Variants in USH2A observed in about 807,000 individuals in gnomAD.
USH2A encodes the protein usherin, also known as Usher syndrome 2A (autosomal recessive, mild).
Under a neutral mutation model 538.9 loss-of-function variants are expected in USH2A, and 443 were observed. The observed-to-expected ratio is 0.82, with a 90% confidence interval of 0.76 to 0.89. USH2A has a LOEUF of 0.89. Among genes scored for constraint, USH2A ranks in the 40% least tolerant of loss-of-function variants. USH2A has a pLI of 0.00. For missense variants in USH2A, 6,633 were observed against 6,324.8 expected (o/e 1.05, Z -1.65); for synonymous variants, 2,413 against 2,273.5 (o/e 1.06, Z -1.75).
chr1:215,679,540 AG>A (rs1300803715), intron 62 of USH2A, among the ~76,000 whole-genome samples: 1 of 152,226 alleles, frequency 6.6e-6, no homozygotes, highest in Admixed American at 6.5e-5. Flanking sequence ...GTGTGGCTGA[AG>A]GTTCAAAACA....
intron 27 of USH2A, among the ~76,000 whole-genome samples, chr1:216,074,396 G>T (rs572961906): frequency 6.6e-6 from 1 of 151,812 alleles, no homozygotes; most frequent in Admixed American, 6.6e-5. Flanking sequence ...CACATGATCA[G>T]CTCTTTTCAA....
intron 37 of USH2A, among the ~76,000 whole-genome samples, chr1:215,941,337 A>G (rs899510094): frequency 1.3e-5 from 2 of 151,368 alleles, no homozygotes; most frequent in Non-Finnish European, 3.0e-5. Flanking sequence ...ACACAGAAAG[A>G]GAGAGAGAGT....
rs1283494420 is a variant in USH2A, at chr1:215,782,104, A to G, written c.10678T>C (p.Phe3560Leu). Residue 3560 changes from phenylalanine (F) to leucine (L), a missense_variant, in exon 54 of 72, where the codon TTT becomes CTT. By Grantham distance (22) the Phe-to-Leu change is conservative. Coordinates refer to ENST00000307340, the MANE Select transcript of USH2A (RefSeq NM_206933.4). ...TTCAGCTGATATGAATATTCCTGAAATGGTTGAATTCCCTCTTTATCAGAG... is the reference window on the plus strand; with the variant it reads ...TTCAGCTGATATGAATATTCCTGAAGTGGTTGAATTCCCTCTTTATCAGAG... ...SFSDKEGIQP[F>L]QEYSYQLKAC... The G allele has an allele frequency of 5.0e-6, 8 of 1,613,904 alleles. No homozygotes were observed. The highest frequency in any genetic ancestry group is 6.8e-6 in the Non-Finnish European group (8 of 1,179,916).
intron 35 of USH2A, among the ~76,000 whole-genome samples, chr1:215,987,263 T>C (rs1224650373): frequency 3.3e-5 from 5 of 152,176 alleles, no homozygotes; most frequent in Non-Finnish European, 7.3e-5. Flanking sequence ...AGCAGAACTT[T>C]AATTACGCAA....
chr1:215,689,552 AC>A (rs1450743297), intron 61 of USH2A, among the ~76,000 whole-genome samples: 1 of 152,114 alleles, frequency 6.6e-6, no homozygotes, highest in Non-Finnish European at 1.5e-5. Context: ...AAATGGCAAA[AC>A]TCTAGGATGT....
intron 4 of USH2A, among the ~76,000 whole-genome samples, chr1:216,340,440 G>A (rs1202344110): frequency 6.7e-6 from 1 of 149,404 alleles, no homozygotes; most frequent in Non-Finnish European, 1.5e-5. Flanking sequence ...CATTCCTTTT[G>A]AAACTATTCC....
At chr1:216,008,910 G>T (rs2102490237) in intron 32 of USH2A, among the ~76,000 whole-genome samples, 2 of 152,144 alleles carry the variant, frequency 1.3e-5, no homozygotes, top group Middle Eastern at 6.8e-3. Flanking sequence ...TTTAATCATT[G>T]CAGGGACGCC....
chr1:216,261,937 T>G (rs1352526441), intron 11 of USH2A, among the ~76,000 whole-genome samples: 1 of 152,130 alleles, frequency 6.6e-6, no homozygotes, highest in Non-Finnish European at 1.5e-5. Flanking sequence ...GTTAGGTCAG[T>G]GAAGCATTCA....
At chr1:216,058,978 C>A (rs1423592945) in intron 30 of USH2A, among the ~76,000 whole-genome samples, 1 of 151,962 alleles carries the variant, frequency 6.6e-6, no homozygotes, top group Non-Finnish European at 1.5e-5. Flanking sequence ...AGCATGGGTG[C>A]ACAGAGAGTA....
intron 3 of USH2A, among the ~76,000 whole-genome samples, chr1:216,398,488 A>G (rs910319842): frequency 3.3e-5 from 5 of 152,072 alleles, no homozygotes; most frequent in African/African-American, 1.2e-4. Context: ...TTTTTAGCAA[A>G]AAGTACCTGT....
chr1:216,053,532 A>G (rs2030869476), intron 30 of USH2A, among the ~76,000 whole-genome samples: 1 of 150,888 alleles, frequency 6.6e-6, no homozygotes, highest in Admixed American at 6.6e-5. Flanking sequence ...TTTCAGCCAC[A>G]AACTCTGTGA....
chr1:215,636,897 G>A (rs1265641876), intron 69 of USH2A, among the ~76,000 whole-genome samples: 2 of 152,022 alleles, frequency 1.3e-5, no homozygotes, highest in African/African-American at 4.8e-5. Flanking sequence ...CCCAAAGCCC[G>A]GCCTCCAGAC....
intron 64 of USH2A, among the ~76,000 whole-genome samples, chr1:215,651,697 T>C (rs1468041060): frequency 6.7e-6 from 1 of 149,120 alleles, no homozygotes; most frequent in Non-Finnish European, 1.5e-5. Flanking sequence ...ATGTTCAAAA[T>C]AGGAGATATT....
chr1:215,886,828 T>C (rs537732176), intron 41 of USH2A, among the ~76,000 whole-genome samples: 1 of 152,176 alleles, frequency 6.6e-6, no homozygotes, highest in Non-Finnish European at 1.5e-5. Context: ...TCAAGCAGAA[T>C]TGTACACTGA....
intron 14 of USH2A, among the ~76,000 whole-genome samples, chr1:216,221,481 T>C (rs1288358641): frequency 6.6e-6 from 1 of 152,204 alleles, no homozygotes; most frequent in Non-Finnish European, 1.5e-5. Flanking sequence ...GGAGAGGGAT[T>C]TGAGGCTTGG....
At chr1:215,704,174 C>T (rs774207150) in intron 61 of USH2A, among the ~76,000 whole-genome samples, 28 of 152,186 alleles carry the variant, frequency 1.8e-4, no homozygotes, top group African/African-American at 2.7e-4. Context: ...TGGGATGAAC[C>T]GGGTATCTCA....
intron 51 of USH2A, 23 bp from the exon 52 acceptor site, chr1:215,786,897 G>C (rs1346791222): frequency 6.2e-7 from 1 of 1,611,082 alleles, no homozygotes; most frequent in Non-Finnish European, 8.5e-7. Flanking sequence ...GCAGGGGTGA[G>C]AGAGAGAGGG....
chr1:215,726,223 T>A (rs770458414), intron 61 of USH2A, among the ~76,000 whole-genome samples: 29 of 152,156 alleles, frequency 1.9e-4, no homozygotes, highest in Non-Finnish European at 3.2e-4. Context: ...AGTAACGAAC[T>A]TCCTCCTGGA....
intron 29 of USH2A, chr1:216,072,611 C>G: frequency 2.1e-6 from 1 of 466,094 alleles, no homozygotes; most frequent in Non-Finnish European, 3.9e-6. Context: ...GTAGGTGGGA[C>G]TATTACATCC....
Sources: allele counts gnomAD v4.1 joint callset (sites outside exome capture counted in the v4.1 genomes callset), GRCh38; gene constraint gnomAD v4.1.1; transcripts MANE v1.5; gene names NCBI Gene and HGNC (gene_info 2026-07-23, HGNC 2026-07-21).